SATL1: variants seen among roughly 807,000 people sequenced by gnomAD.
The protein encoded by SATL1 is spermidine/spermine N(1)-acetyltransferase-like protein 1.
In SATL1, 47 loss-of-function variants were observed where a neutral mutation model predicts 51.8. That is an observed-to-expected ratio of 0.91 (90% confidence interval 0.72 to 1.16). The LOEUF is 1.16. Among genes scored for constraint, SATL1 ranks in the 50% most tolerant of loss-of-function variants. SATL1 has a pLI of 0.00. For synonymous variants in SATL1, 176 were observed against 182.4 expected, an observed-to-expected ratio of 0.97 and a Z score of 0.28; for missense variants, 520 against 526.4, an observed-to-expected ratio of 0.99 and a Z score of 0.12.
chrX:85,156,322 G>T, intron 2 of SATL1: 1 of 111,283 alleles, frequency 9.0e-6, no homozygotes, highest in Non-Finnish European at 1.9e-5. Flanking sequence ...ATGTGCCAGA[G>T]AACAGAGGCG....
intron 2 of SATL1, among the ~76,000 whole-genome samples, chrX:85,133,562 T>C (rs1283527797): frequency 8.9e-6 from 1 of 112,351 alleles, no homozygotes; most frequent in Non-Finnish European, 1.9e-5. Flanking sequence ...CTGTCACAGC[T>C]TCCCTTGGCT....
At chrX:85,213,509 C>A (rs145789109) in intron 2 of SATL1, among the ~76,000 whole-genome samples, 1 of 111,336 alleles carries the variant, frequency 9.0e-6, no homozygotes, top group Non-Finnish European at 1.9e-5. Context: ...GCTAGTTCAC[C>A]AAAAATGGAT....
In SATL1 at chrX:85,119,286, C is replaced by A. The variant is rs745627719; in HGVS notation, c.-312-10006G>T. On this transcript the variant is annotated intron_variant, in intron 2 of 7. Transcript: ENST00000644105. ...TTTCATGCCCCCAAATGCACTACCGCAAATACAAGACTGGTGTGTGGTAAG... is the reference window on the plus strand; with the variant it reads ...TTTCATGCCCCCAAATGCACTACCGAAAATACAAGACTGGTGTGTGGTAAG... Among the ~76,000 whole-genome samples the A allele has an allele frequency of 9.9e-5, 11 of 111,394 alleles. No homozygotes were observed. In the East Asian group the frequency reaches 1.7e-3, roughly 17 times the overall value.
At chrX:85,235,728 A>G (rs893230561) in intron 1 of SATL1, among the ~76,000 whole-genome samples, 4 of 111,160 alleles carry the variant, frequency 3.6e-5, no homozygotes, top group African/African-American at 1.3e-4. Flanking sequence ...CACCTACATC[A>G]AAAAAGTAGA....
intron 2 of SATL1, among the ~76,000 whole-genome samples, chrX:85,156,869 A>AT (rs1926612104): frequency 2.8e-5 from 2 of 71,445 alleles, no homozygotes; most frequent in African/African-American, 6.2e-5. Context: ...ATATATATAT[A>AT]AAATATGTAA....
intron 2 of SATL1, among the ~76,000 whole-genome samples, chrX:85,181,995 A>G (rs1927215465): frequency 1.8e-5 from 2 of 111,722 alleles, no homozygotes; most frequent in Non-Finnish European, 3.8e-5. Flanking sequence ...ACACATATTT[A>G]TGGAGTACAC....
chrX:85,146,339 G>T (rs1329326442), intron 2 of SATL1, among the ~76,000 whole-genome samples: 1 of 111,747 alleles, frequency 8.9e-6, no homozygotes, highest in East Asian at 2.8e-4. Context: ...AGTATAATTA[G>T]ATTATTGGTA....
At chrX:85,200,385 A>C (rs12016134) in intron 2 of SATL1, among the ~76,000 whole-genome samples, 14,433 of 111,969 alleles carry the variant, frequency 0.13, 715 homozygotes, top group South Asian at 0.17. Context: ...AGCAGATATA[A>C]CTTGCCAATC....
intron 2 of SATL1, among the ~76,000 whole-genome samples, chrX:85,132,261 T>C (rs1354328137): frequency 8.9e-6 from 1 of 112,170 alleles, no homozygotes; most frequent in African/African-American, 3.2e-5. Flanking sequence ...CTTAGTTCCA[T>C]TCTCCTCGTC....
chrX:85,114,989 C>G (rs1001090574), intron 2 of SATL1, among the ~76,000 whole-genome samples: 5 of 111,694 alleles, frequency 4.5e-5, no homozygotes, highest in African/African-American at 1.6e-4. Context: ...GGGGGCTGGA[C>G]TTCCTTCCCT....
At chrX:85,240,786 T>C (rs1214505366) in intron 1 of SATL1, among the ~76,000 whole-genome samples, 1 of 108,845 alleles carries the variant, frequency 9.2e-6, no homozygotes, top group Non-Finnish European at 1.9e-5. Context: ...CTATGTACTT[T>C]TTTTTTTTTT....
At chrX:85,100,819 A>T (rs745820880) in intron 4 of SATL1, among the ~76,000 whole-genome samples, 1 of 111,872 alleles carries the variant, frequency 8.9e-6, no homozygotes, top group Non-Finnish European at 1.9e-5. Context: ...AGAAAGCTAC[A>T]GCAGTTAATA....
At chrX:85,162,593 A>G (rs1926747598) in intron 2 of SATL1, among the ~76,000 whole-genome samples, 2 of 111,214 alleles carry the variant, frequency 1.8e-5, no homozygotes, top group East Asian at 5.8e-4. Context: ...AGAAGTGGTG[A>G]AAGTGTTTAT....
intron 2 of SATL1, among the ~76,000 whole-genome samples, chrX:85,182,263 C>A (rs1927221853): frequency 9.0e-6 from 1 of 111,199 alleles, no homozygotes; most frequent in Admixed American, 9.6e-5. Context: ...CCTTCCCAAT[C>A]CCTAATAACC....
At chrX:85,231,243 T>A (rs1928376289) in intron 1 of SATL1, among the ~76,000 whole-genome samples, 1 of 112,177 alleles carries the variant, frequency 8.9e-6, no homozygotes, top group African/African-American at 3.2e-5. Context: ...AAGGACATCC[T>A]GCCACTTGGA....
chrX:85,218,023 C>A (rs973365229), intron 2 of SATL1, among the ~76,000 whole-genome samples: 1 of 111,005 alleles, frequency 9.0e-6, no homozygotes, highest in Non-Finnish European at 1.9e-5. Flanking sequence ...AATATAAAAA[C>A]AAATACTGCA....
intron 2 of SATL1, among the ~76,000 whole-genome samples, chrX:85,148,974 T>G (rs776922381): frequency 0.049 from 5,352 of 110,339 alleles, 366 homozygotes; most frequent in African/African-American, 0.17. Flanking sequence ...AATATTAACT[T>G]TAAATGTAAA....
chrX:85,131,742 A>G (rs1218915645), intron 2 of SATL1, among the ~76,000 whole-genome samples: 1 of 111,403 alleles, frequency 9.0e-6, no homozygotes, highest in Non-Finnish European at 1.9e-5. Context: ...TTTTCCTAGC[A>G]TCAATGGTCT....
chrX:85,235,285 T>G (rs1230597348), intron 1 of SATL1, among the ~76,000 whole-genome samples: 1 of 110,864 alleles, frequency 9.0e-6, no homozygotes, highest in African/African-American at 3.3e-5. Context: ...CATTTTAGCA[T>G]GAGACAGATC....
Sources: gnomAD v4.1 joint callset for allele counts (sites outside exome capture counted in the v4.1 genomes callset) on GRCh38, gnomAD v4.1.1 for gene constraint, MANE v1.5 for transcripts, NCBI Gene and HGNC (gene_info 2026-07-23, HGNC 2026-07-21) for gene names.